Variants in THEMIS observed in about 807,000 individuals in gnomAD.
THEMIS encodes protein THEMIS.
THEMIS carries 37 observed loss-of-function variants against 52.6 expected under a neutral mutation model. That is an observed-to-expected ratio of 0.70 (90% CI 0.54 to 0.93). The LOEUF is 0.93. THEMIS is among the 40% of genes least tolerant of loss of function. The pLI is 0.00. For missense variants in THEMIS, 808 were observed against 763.1 expected, an observed-to-expected ratio of 1.06 and a Z score of -0.69; for synonymous variants, 292 against 272.7, an observed-to-expected ratio of 1.07 and a Z score of -0.70.
At chr6:127,730,316 G>GAAAACAAA (rs1176339654) in intron 4 of THEMIS, among the ~76,000 whole-genome samples, 1 of 129,860 alleles carries the variant, frequency 7.7e-6, no homozygotes, top group Non-Finnish European at 1.5e-5. Flanking sequence ...GAAAAGAAAA[G>GAAAACAAA]AGAAAAAAAG....
intron 4 of THEMIS, among the ~76,000 whole-genome samples, chr6:127,801,255 T>C (rs1037748144): frequency 1.2e-4 from 18 of 152,184 alleles, no homozygotes; most frequent in Admixed American, 9.2e-4. Flanking sequence ...TGGTTGCTCC[T>C]AAGTTCAGTG....
In THEMIS at chr6:127,766,742, A is replaced by G. The variant is rs752957094; in HGVS notation, c.1758+46141T>C. ...TGTACTTAAACATATATAAAATAGA[A>G]AAGATACAGTAAAAATATGATATAA... On this transcript the variant is annotated intron_variant, in intron 4 of 5. Transcript: ENST00000368248. 4.9e-4 allele frequency among the ~76,000 whole-genome samples: 74 copies of G among 152,332 alleles called. 1 individual carries two copies. Among genetic ancestry groups the G allele is most frequent in the South Asian group, 1.4e-3 (7 of 4,830 alleles).
At chr6:127,761,415 C>T (rs1001242306) in intron 4 of THEMIS, among the ~76,000 whole-genome samples, 4 of 152,132 alleles carry the variant, frequency 2.6e-5, no homozygotes, top group African/African-American at 4.8e-5. Flanking sequence ...CAGGTTCCTG[C>T]TTTAGGGGGC....
chr6:127,846,159 A>G (rs1779207554), intron 2 of THEMIS, among the ~76,000 whole-genome samples: 2 of 152,014 alleles, frequency 1.3e-5, no homozygotes, highest in South Asian at 4.1e-4. Flanking sequence ...GTGGCCACAC[A>G]TGATGGAGAA....
In THEMIS at chr6:127,744,842, T is replaced by TAC. The variant is rs112041681; in HGVS notation, c.1759-25021_1759-25020dup. Among the ~76,000 whole-genome samples the TAC allele has an allele frequency of 5.9e-3, 883 of 149,378 alleles. 5 individuals carry two copies. The highest frequency in any genetic ancestry group is 0.052 in the Middle Eastern group (15 of 288). On this transcript the variant is annotated intron_variant, in intron 4 of 5. Transcript: ENST00000368248. ...CATGTCAAGTGTACTTACACACACATACACACACACACACACACATTAGCA... is the reference window on the plus strand; with the variant it reads ...CATGTCAAGTGTACTTACACACACATACACACACACACACACACACATTAGCA...
At chr6:127,724,815 T>A (rs1339265399) in intron 4 of THEMIS, among the ~76,000 whole-genome samples, 1 of 151,978 alleles carries the variant, frequency 6.6e-6, no homozygotes, top group Non-Finnish European at 1.5e-5. Flanking sequence ...CAAATAAATA[T>A]TACCAAAAAA....
chr6:127,865,669 T>C (rs986660077), intron 1 of THEMIS, among the ~76,000 whole-genome samples: 2 of 152,188 alleles, frequency 1.3e-5, no homozygotes, highest in South Asian at 4.1e-4. Context: ...TGCAATAAAA[T>C]GATTTTTTCC....
chr6:127,742,141 G>A (rs1373740478), intron 4 of THEMIS, among the ~76,000 whole-genome samples: 3 of 151,618 alleles, frequency 2.0e-5, no homozygotes, highest in Non-Finnish European at 2.9e-5. Context: ...GTGAAACCCC[G>A]TCTCTATCAA....
intron 2 of THEMIS, among the ~76,000 whole-genome samples, chr6:127,833,993 T>C (rs958572963): frequency 1.3e-5 from 2 of 152,112 alleles, no homozygotes; most frequent in Admixed American, 1.3e-4. Flanking sequence ...AAAATAATAA[T>C]AGTCTGAACT....
At chr6:127,876,215 C>T (rs191660223) in intron 1 of THEMIS, among the ~76,000 whole-genome samples, 11 of 152,256 alleles carry the variant, frequency 7.2e-5, no homozygotes, top group Admixed American at 2.0e-4. Flanking sequence ...CATGCACAAG[C>T]GTCTAAATAA....
chr6:127,744,200 A>C (rs919884534), intron 4 of THEMIS, among the ~76,000 whole-genome samples: 1 of 152,028 alleles, frequency 6.6e-6, no homozygotes, highest in Non-Finnish European at 1.5e-5. Flanking sequence ...ATTCTTTGGA[A>C]ATTTTTGGTG....
Position 127,777,762 on chromosome 6 carries a change from G to T in THEMIS, c.1758+35121C>A, listed in dbSNP as rs1480213068. On this transcript the variant is annotated intron_variant, in intron 4 of 5. Transcript: ENST00000368248. Reference sequence around the variant, plus strand: ...TAATTATTTATATGATAAAAAGAGTGGTTATTTGTTTATTATTTTTAAAAC... The same window carrying T: ...TAATTATTTATATGATAAAAAGAGTTGTTATTTGTTTATTATTTTTAAAAC... 3.3e-5 allele frequency among the ~76,000 whole-genome samples: 5 copies of T among 152,140 alleles called. No homozygotes were observed. In the South Asian group the frequency reaches 1.0e-3, roughly 32 times the overall value.
chr6:127,900,849 A>T lies in THEMIS; in HGVS notation c.84T>A (p.Tyr28Ter), dbSNP rs1455003790. 6.2e-7 allele frequency: 1 copy of T among 1,612,910 alleles called. No homozygotes were observed. The change falls in exon 1 of 6, where the codon TAT becomes TAA. Residue 28 changes from tyrosine (Y) to a stop codon, truncating the protein, a stop_gained. Coordinates refer to ENST00000368248, the MANE Select transcript of THEMIS (RefSeq NM_001010923.3). LOFTEE classifies it high-confidence loss of function. ...PRVLEIQAGIYLEGSIYEMFG... is the reference protein window; with the variant it reads ...PRVLEIQAGI ...GTATTGGAGAGTGCTTACCTTCAAG[A>T]TAGATGCCTGCCTGGATTTCTAGAA...
At chr6:127,697,206 C>A in the THEMIS span, among the ~76,000 whole-genome samples, 49 of 152,274 alleles carry the variant, frequency 3.2e-4, no homozygotes, top group African/African-American at 1.1e-3. Context: ...AATGGTAACT[C>A]CATTTGAATG....
At chr6:127,854,911 T>C (rs557094263) in intron 2 of THEMIS, 119 bp downstream of exon 2, 64 of 806,430 alleles carry the variant, frequency 7.9e-5, no homozygotes, top group Middle Eastern at 2.7e-4. Flanking sequence ...TTCCGGATTT[T>C]CCCCCCCATT....
At chr6:127,906,918 T>TA (rs1346314799) in intron 1 of THEMIS, among the ~76,000 whole-genome samples, 1 of 151,064 alleles carries the variant, frequency 6.6e-6, no homozygotes, top group African/African-American at 2.4e-5. Flanking sequence ...GCTGCTTTCC[T>TA]AAAAAGTAAG....
chr6:127,908,897 C>A (rs1378917304), intron 1 of THEMIS, among the ~76,000 whole-genome samples: 4 of 151,802 alleles, frequency 2.6e-5, no homozygotes, highest in Admixed American at 2.6e-4. Flanking sequence ...TAGAGCCTCA[C>A]AGAAACAATT....
chr6:127,715,502 T>A (rs968564156), intron 5 of THEMIS, among the ~76,000 whole-genome samples: 2 of 151,924 alleles, frequency 1.3e-5, no homozygotes, highest in Non-Finnish European at 1.5e-5. Flanking sequence ...TCAATTAAGG[T>A]CTTTAATATA....
intron 1 of THEMIS, among the ~76,000 whole-genome samples, chr6:127,912,071 G>A (rs1781425543): frequency 6.6e-6 from 1 of 152,154 alleles, no homozygotes; most frequent in Non-Finnish European, 1.5e-5. Context: ...AAAGTCATGG[G>A]GCAGAACTAC....
Sources: allele counts gnomAD v4.1 joint callset (sites outside exome capture counted in the v4.1 genomes callset), GRCh38; gene constraint gnomAD v4.1.1; transcripts MANE v1.5; gene names NCBI Gene and HGNC (gene_info 2026-07-23, HGNC 2026-07-21).